The following USH2A variants were observed in gnomAD, a reference collection of about 807,000 sequenced individuals.
USH2A encodes usherin.
Under a neutral mutation model 538.9 loss-of-function variants are expected in USH2A, and 443 were observed. That is an observed-to-expected ratio of 0.82 (90% confidence interval 0.76 to 0.89). The LOEUF is 0.89. Ranked by LOEUF, USH2A falls within the 40% of genes least tolerant of loss-of-function variation. USH2A has a pLI of 0.00. For synonymous variants in USH2A, 2,413 were observed against 2,273.5 expected, an observed-to-expected ratio of 1.06 and a Z score of -1.75; for missense variants, 6,633 against 6,324.8, an observed-to-expected ratio of 1.05 and a Z score of -1.65.
chr1:215,955,041 C>T (rs759811961), intron 37 of USH2A, among the ~76,000 whole-genome samples: 1 of 152,090 alleles, frequency 6.6e-6, no homozygotes, highest in Non-Finnish European at 1.5e-5. Flanking sequence ...ACTTTCTTGA[C>T]CCTCCAATTT....
At chr1:215,968,856 C>T (rs893298555) in intron 36 of USH2A, among the ~76,000 whole-genome samples, 1 of 152,128 alleles carries the variant, frequency 6.6e-6, no homozygotes, top group Non-Finnish European at 1.5e-5. Context: ...TACACCATTG[C>T]CACGTTTGAC....
chr1:215,918,521 C>T lies in USH2A; in HGVS notation c.7300+16095G>A, dbSNP rs183870942. Among the ~76,000 whole-genome samples the T allele has an allele frequency of 1.8e-3, 274 of 152,220 alleles. 1 individual carries two copies. Among genetic ancestry groups the T allele is most frequent in the Non-Finnish European group, 2.5e-3 (172 of 67,996 alleles). ...CTGTCAGCACCTTGATCCTGGACTT[C>T]CCAGCCTCCAGAACTGTGTGAAATA... On this transcript the variant is annotated intron_variant, in intron 38 of 71. Transcript: ENST00000307340.
intron 67 of USH2A, among the ~76,000 whole-genome samples, chr1:215,645,446 G>A (rs1656815428): frequency 6.6e-6 from 1 of 152,160 alleles, no homozygotes; most frequent in Non-Finnish European, 1.5e-5. Flanking sequence ...TCAGATCATA[G>A]TCTATATGAA....
chr1:216,236,219 G>A (rs2035813344), intron 13 of USH2A, among the ~76,000 whole-genome samples: 1 of 150,442 alleles, frequency 6.6e-6, no homozygotes, highest in Non-Finnish European at 1.5e-5. Flanking sequence ...TTTTTTTCTG[G>A]GCTGCTACTC....
intron 55 of USH2A, among the ~76,000 whole-genome samples, chr1:215,778,736 G>A (rs1284517908): frequency 6.6e-6 from 1 of 152,132 alleles, no homozygotes; most frequent in African/African-American, 2.4e-5. Context: ...TGGGAAAAAA[G>A]GGAAAGTTTA....
intron 37 of USH2A, among the ~76,000 whole-genome samples, chr1:215,943,780 T>C (rs1666694031): frequency 6.6e-6 from 1 of 152,196 alleles, no homozygotes; most frequent in Non-Finnish European, 1.5e-5. Context: ...GGCTATGTTA[T>C]TTGTGGTTCT....
At chr1:215,949,206 A>T (rs2102439025) in intron 37 of USH2A, among the ~76,000 whole-genome samples, 1 of 152,214 alleles carries the variant, frequency 6.6e-6, no homozygotes, top group East Asian at 1.9e-4. Context: ...ACACCATCAC[A>T]AAAGTAAAAA....
chr1:216,036,494 T>C (rs183490099), intron 32 of USH2A, among the ~76,000 whole-genome samples: 13 of 152,260 alleles, frequency 8.5e-5, no homozygotes, highest in Non-Finnish European at 1.6e-4. Flanking sequence ...CGAATTAGAC[T>C]CAAATATGTG....
chr1:216,166,323 T>C (rs1029291021), intron 21 of USH2A, among the ~76,000 whole-genome samples: 2 of 152,086 alleles, frequency 1.3e-5, no homozygotes, highest in African/African-American at 2.4e-5. Flanking sequence ...ATTCAAGCAC[T>C]GGGACTAAAA....
intron 21 of USH2A, among the ~76,000 whole-genome samples, chr1:216,125,468 A>G (rs1156539005): frequency 6.6e-6 from 1 of 152,196 alleles, no homozygotes; most frequent in Non-Finnish European, 1.5e-5. Context: ...AAATTAGGGA[A>G]ACTCTAAAGA....
In USH2A at chr1:215,624,387, A is replaced by G. The variant is rs572900043; in HGVS notation, c.*1394T>C. 3 of 152,234 alleles carry G rather than the reference A, an allele frequency of 2.0e-5. No individual in the cohort carries two copies. The highest frequency in any genetic ancestry group is 7.2e-5 in the African/African-American group (3 of 41,554). The allele number at this position is 152,234 out of a possible 1,614,324, so 9.4% of individuals were successfully genotyped here. On this transcript the variant is annotated 3_prime_UTR_variant, in exon 72 of 72. Transcript: ENST00000307340. ...GTAATACATTGTTTTCAGGCAGAATAAGTAAGACTATCCCTTACTTTACAA... is the reference window on the plus strand; with the variant it reads ...GTAATACATTGTTTTCAGGCAGAATGAGTAAGACTATCCCTTACTTTACAA...
intron 43 of USH2A, among the ~76,000 whole-genome samples, chr1:215,875,701 CA>C (rs964589559): frequency 1.1e-4 from 16 of 151,542 alleles, no homozygotes; most frequent in African/African-American, 3.9e-4. Context: ...GGCTAAAACT[CA>C]GATTCAGTAA....
intron 30 of USH2A, among the ~76,000 whole-genome samples, chr1:216,051,440 A>C (rs2030781450): frequency 6.6e-6 from 1 of 152,246 alleles, no homozygotes. Flanking sequence ...ATCTTTAGCA[A>C]ATCTTTGGCA....
chr1:216,070,505 C>T (rs1271008393), intron 29 of USH2A, among the ~76,000 whole-genome samples: 1 of 152,066 alleles, frequency 6.6e-6, no homozygotes, highest in Non-Finnish European at 1.5e-5. Context: ...AAAACTCCAT[C>T]GACATAACAT....
chr1:215,976,346 T>C (rs1368606989), intron 35 of USH2A, among the ~76,000 whole-genome samples: 5 of 152,192 alleles, frequency 3.3e-5, no homozygotes, highest in Admixed American at 2.6e-4. Context: ...TCCAGAACTA[T>C]GTTGAGTAAG....
intron 47 of USH2A, among the ~76,000 whole-genome samples, chr1:215,819,505 A>T (rs1662950397): frequency 6.6e-6 from 1 of 151,820 alleles, no homozygotes; most frequent in South Asian, 2.1e-4. Context: ...CCTATGAGAG[A>T]ACAGTTTCAT....
intron 3 of USH2A, among the ~76,000 whole-genome samples, chr1:216,386,639 A>G (rs1003636979): frequency 1.3e-4 from 20 of 151,054 alleles, no homozygotes; most frequent in Admixed American, 4.0e-4. Flanking sequence ...GCAGATCACA[A>G]GGTCAGGAGA....
chr1:216,378,671 T>C (rs2038878775), intron 3 of USH2A, among the ~76,000 whole-genome samples: 1 of 152,162 alleles, frequency 6.6e-6, no homozygotes, highest in Admixed American at 6.5e-5. Flanking sequence ...ATATGTTTCT[T>C]ATTTGTTTGA....
At chr1:216,296,568 T>C (rs774637426) in intron 9 of USH2A, among the ~76,000 whole-genome samples, 1 of 152,082 alleles carries the variant, frequency 6.6e-6, no homozygotes, top group Non-Finnish European at 1.5e-5. Flanking sequence ...ATGATATTAA[T>C]GTCCAAAGAA....
Sources: allele counts gnomAD v4.1 joint callset (sites outside exome capture counted in the v4.1 genomes callset), GRCh38; gene constraint gnomAD v4.1.1; transcripts MANE v1.5; gene names NCBI Gene and HGNC (gene_info 2026-07-23, HGNC 2026-07-21).